ARLN: variants seen among roughly 807,000 people sequenced by gnomAD.
The protein encoded by ARLN is sarcoplasmic/endoplasmic reticulum calcium ATPase regulator ARLN.
chr4:119,304,359 G>GT, the ARLN span: 1 of 1,536,848 alleles, frequency 6.5e-7, no homozygotes, highest in African/African-American at 1.4e-5. Flanking sequence ...TGTTTCCATA[G>GT]TTTTTTGCCT....
chr4:119,300,311 C>G, the ARLN span: 12 of 1,581,416 alleles, frequency 7.6e-6, no homozygotes, highest in Non-Finnish European at 1.0e-5. Context: ...CCTTACCACC[C>G]CAATTTTGCA....
chr4:119,300,562 C>T, the ARLN span: 1 of 1,614,162 alleles, frequency 6.2e-7, no homozygotes, highest in Non-Finnish European at 8.5e-7. Context: ...CGTAACAACC[C>T]TAGAAACCGA....
chr4:119,301,861 T>A, the ARLN span, among the ~76,000 whole-genome samples: 1 of 152,202 alleles, frequency 6.6e-6, no homozygotes, highest in East Asian at 1.9e-4. Flanking sequence ...TGCTCCAATT[T>A]GCCTCCAAAT....
At chr4:119,300,577 G>C in the ARLN span, 3 of 1,613,942 alleles carry the variant, frequency 1.9e-6, no homozygotes, top group Non-Finnish European at 1.7e-6. Context: ...AACCGAAAAT[G>C]CTTAAGTTCC....
chr4:119,300,491 C>G, the ARLN span: 1 of 1,614,144 alleles, frequency 6.2e-7, no homozygotes, highest in Non-Finnish European at 8.5e-7. Context: ...CTCGCCGCTC[C>G]CGGAGACCAT....
chr4:119,301,491 G>C, the ARLN span, among the ~76,000 whole-genome samples: 3 of 152,116 alleles, frequency 2.0e-5, no homozygotes, highest in African/African-American at 7.2e-5. Context: ...GCCTCAGCAA[G>C]AACAGAATGC....
the ARLN span, among the ~76,000 whole-genome samples, chr4:119,299,745 T>C: frequency 7.9e-5 from 12 of 152,188 alleles, no homozygotes; most frequent in Non-Finnish European, 1.5e-4. Flanking sequence ...CTCAGGTTTC[T>C]GGGAGGTAAC....
At chr4:119,300,737 G>A in the ARLN span, 6 of 1,510,368 alleles carry the variant, frequency 4.0e-6, no homozygotes, top group African/African-American at 6.9e-5. Flanking sequence ...GTGACCGCTG[G>A]CATGAAGCGC....
At chr4:119,302,992 A>G in the ARLN span, among the ~76,000 whole-genome samples, 1 of 152,206 alleles carries the variant, frequency 6.6e-6, no homozygotes, top group Non-Finnish European at 1.5e-5. Context: ...CATCCTAGGA[A>G]TTAAATTAAT....
the ARLN span, chr4:119,304,392 C>T: frequency 6.5e-7 from 1 of 1,536,860 alleles, no homozygotes; most frequent in East Asian, 2.4e-5. Context: ...TATTATTTCC[C>T]TCTACATTCT....
At chr4:119,296,700 G>T in the ARLN span, 1 of 152,154 alleles carries the variant, frequency 6.6e-6, no homozygotes, top group Non-Finnish European at 1.5e-5. Context: ...CCCTCAAGGG[G>T]TTGGCCCACC....
chr4:119,302,862 G>C, the ARLN span, among the ~76,000 whole-genome samples: 1 of 152,192 alleles, frequency 6.6e-6, no homozygotes, highest in Non-Finnish European at 1.5e-5. Flanking sequence ...TGAACTTCAA[G>C]TGCAATAAGT....
the ARLN span, among the ~76,000 whole-genome samples, chr4:119,302,659 C>T: frequency 6.6e-6 from 1 of 152,208 alleles, no homozygotes; most frequent in Non-Finnish European, 1.5e-5. Context: ...TTCTACTTCA[C>T]ATGTTCAACT....
the ARLN span, chr4:119,300,768 G>A: frequency 6.8e-7 from 1 of 1,475,388 alleles, no homozygotes; most frequent in Non-Finnish European, 9.0e-7. Flanking sequence ...TTGACACTAA[G>A]TCAATGGGCC....
chr4:119,300,149 A>C, the ARLN span, among the ~76,000 whole-genome samples: 1 of 151,742 alleles, frequency 6.6e-6, no homozygotes, highest in Non-Finnish European at 1.5e-5. Flanking sequence ...GGAGACTCCC[A>C]CGGACGTGCT....
the ARLN span, among the ~76,000 whole-genome samples, chr4:119,301,837 T>C: frequency 3.3e-5 from 5 of 152,208 alleles, no homozygotes; most frequent in African/African-American, 1.2e-4. Context: ...AGCTGTTCCA[T>C]AGCTTCCTAA....
the ARLN span, chr4:119,301,056 GA>G: frequency 2.9e-5 from 10 of 348,828 alleles, no homozygotes; most frequent in Non-Finnish European, 5.2e-5. Context: ...TCACGGGACT[GA>G]GTTTCCAAAC....
the ARLN span, chr4:119,298,709 C>A: frequency 1.3e-6 from 1 of 753,092 alleles, no homozygotes; most frequent in South Asian, 1.5e-5. Context: ...CTTCTTTATT[C>A]AAGAAGTTTG....
At chr4:119,300,281 G>A in the ARLN span, 2 of 1,423,656 alleles carry the variant, frequency 1.4e-6, no homozygotes, top group South Asian at 1.2e-5. Context: ...GCCCAAAAGC[G>A]AGCAAATGAT....
Sources: gnomAD v4.1 joint callset for allele counts (sites outside exome capture counted in the v4.1 genomes callset) on GRCh38, gnomAD v4.1.1 for gene constraint, MANE v1.5 for transcripts, NCBI Gene and HGNC (gene_info 2026-07-23, HGNC 2026-07-21) for gene names.